The following JAM3 variants were observed in gnomAD, a reference collection of about 807,000 sequenced individuals.
JAM3 encodes junctional adhesion molecule 3.
JAM3 carries 31 observed loss-of-function variants against 39.4 expected under a neutral mutation model. That is an observed-to-expected ratio of 0.79 (90% CI 0.59 to 1.06). The LOEUF is 1.06. Ranked by LOEUF, JAM3 falls within the 50% of genes least tolerant of loss-of-function variation. The pLI is 0.00. For missense variants in JAM3, 455 were observed against 391.4 expected, an observed-to-expected ratio of 1.16 and a Z score of -1.37; for synonymous variants, 182 against 148.7, an observed-to-expected ratio of 1.22 and a Z score of -1.63.
rs1352777971 is a variant in JAM3 at position 134,148,802 on chromosome 11, T to A, written c.881T>A (p.Ile294Asn). 1 of 1,614,100 alleles carries A rather than the reference T, an allele frequency of 6.2e-7. No homozygotes were observed. Among genetic ancestry groups the A allele is most frequent in the Admixed American group, 1.7e-5 (1 of 60,012 alleles). ...GGGAAACCAGATGGAGTTAACTACA[T>A]CCGCACTGACGAGGAGGTAATCATT... ...NPGKPDGVNY[I>N]RTDEEGDFRH... The change falls in exon 8 of 9, where the codon ATC becomes AAC. Residue 294 changes from isoleucine to asparagine, a missense_variant. Coordinates refer to ENST00000299106, the MANE Select transcript of JAM3 (RefSeq NM_032801.5).
intron 6 of JAM3, 130 bp from the exon 7 acceptor site, chr11:134,148,417 G>C (rs1340387571): frequency 3.8e-6 from 4 of 1,051,088 alleles, no homozygotes; most frequent in South Asian, 1.3e-5. Context: ...CTCTCTTCTA[G>C]CTGGGGTAGG....
chr11:134,085,836 T>C (rs1392215605), intron 1 of JAM3, among the ~76,000 whole-genome samples: 2 of 152,168 alleles, frequency 1.3e-5, no homozygotes, highest in African/African-American at 4.8e-5. Context: ...TGAGTTTCTA[T>C]TCTTTAGTTG....
chr11:134,078,894 C>T (rs1318171797), intron 1 of JAM3, among the ~76,000 whole-genome samples: 1 of 152,066 alleles, frequency 6.6e-6, no homozygotes, highest in African/African-American at 2.4e-5. Flanking sequence ...AAAAAATTAG[C>T]CTGGTATGGT....
In JAM3 at chr11:134,149,232, C is replaced by G. The variant is rs758039346; in HGVS notation, c.*51C>G. The G allele has an allele frequency of 3.7e-6, 6 of 1,608,492 alleles. No homozygotes were observed. The East Asian group carries it at 1.3e-4, about 36-fold the overall frequency. The stretch of plus-strand genomic sequence containing the variant: ...CAGAGCGCACGTGCACATACCTCTG[C>G]TAGAAACTCCTGTCAAGGCAGCGAG... On this transcript the variant is annotated 3_prime_UTR_variant, in exon 9 of 9. Coordinates refer to ENST00000299106, the MANE Select transcript of JAM3 (RefSeq NM_032801.5).
intron 1 of JAM3, among the ~76,000 whole-genome samples, chr11:134,078,530 C>T (rs554600877): frequency 3.5e-4 from 54 of 152,302 alleles, no homozygotes; most frequent in African/African-American, 1.1e-3. Context: ...AAGATTTCCC[C>T]GACTTCCTTG....
At chr11:134,091,614 A>G (rs1941855634) in intron 1 of JAM3, among the ~76,000 whole-genome samples, 1 of 118,200 alleles carries the variant, frequency 8.5e-6, no homozygotes, top group Non-Finnish European at 1.8e-5. Flanking sequence ...TGGGTGACAG[A>G]GTAAAACCCC....
chr11:134,125,161 C>A (rs899460743), intron 1 of JAM3, among the ~76,000 whole-genome samples: 1 of 152,222 alleles, frequency 6.6e-6, no homozygotes, highest in African/African-American at 2.4e-5. Context: ...CGGCTACAGC[C>A]CGGCCGATCG....
intron 1 of JAM3, among the ~76,000 whole-genome samples, chr11:134,082,597 G>T (rs1305632490): frequency 6.6e-6 from 1 of 152,122 alleles, no homozygotes; most frequent in Non-Finnish European, 1.5e-5. Context: ...CTCTTCTCTT[G>T]TCTGCCGCCG....
intron 1 of JAM3, among the ~76,000 whole-genome samples, chr11:134,125,282 G>A (rs1313395973): frequency 1.3e-5 from 2 of 152,232 alleles, no homozygotes; most frequent in Admixed American, 1.3e-4. Context: ...CTGTGTTGAA[G>A]ATGACGGTGC....
chr11:134,089,849 G>A (rs1434329209), intron 1 of JAM3, among the ~76,000 whole-genome samples: 1 of 152,268 alleles, frequency 6.6e-6, no homozygotes, highest in Admixed American at 6.5e-5. Flanking sequence ...GGGTCAAATG[G>A]TATTTCTAGT....
At chr11:134,123,189 A>C (rs575818926) in intron 1 of JAM3, among the ~76,000 whole-genome samples, 1 of 151,922 alleles carries the variant, frequency 6.6e-6, no homozygotes, top group South Asian at 2.1e-4. Flanking sequence ...TAATATATCT[A>C]TATGTCACTG....
At chr11:134,120,989 G>C (rs1942520786) in intron 1 of JAM3, among the ~76,000 whole-genome samples, 2 of 152,176 alleles carry the variant, frequency 1.3e-5, no homozygotes, top group African/African-American at 4.8e-5. Context: ...CTCAACAATA[G>C]AGCTGTGTTT....
rs556367557 is a variant in JAM3, at chr11:134,096,333, G to A, written c.76+27174G>A. ...GTGAGCTTTCAGTTTAGTATAAATA[G>A]GTAAGGGTTTGGATTCTCTGATCAT... On this transcript the variant is annotated intron_variant, in intron 1 of 8. Transcript: ENST00000299106. Among the ~76,000 whole-genome samples, 206 of 152,276 alleles carry A rather than the reference G, an allele frequency of 1.4e-3. 1 individual carries two copies. Among genetic ancestry groups the A allele is most frequent in the African/African-American group, 4.8e-3 (201 of 41,538 alleles).
chr11:134,131,681 T>A lies in JAM3; in HGVS notation c.77-8170T>A, dbSNP rs532265539. Among the ~76,000 whole-genome samples, 9 of 151,982 alleles carry A rather than the reference T, an allele frequency of 5.9e-5. No individual in the cohort carries two copies. In the East Asian group the frequency reaches 1.7e-3, roughly 30 times the overall value. ...TGCACAAACACCTAAGGGGAGAACA[T>A]GGACAAAGAACTAAAGGCAATCAGG... On this transcript the variant is annotated intron_variant, in intron 1 of 8. Coordinates refer to ENST00000299106, the MANE Select transcript of JAM3 (RefSeq NM_032801.5).
chr11:134,133,950 CTG>C (rs1343938732), intron 1 of JAM3, among the ~76,000 whole-genome samples: 1 of 152,092 alleles, frequency 6.6e-6, no homozygotes, highest in Non-Finnish European at 1.5e-5. Flanking sequence ...AATTATCAGA[CTG>C]GGCATTTAAA....
chr11:134,142,248 G>A (rs1942988428), intron 3 of JAM3, among the ~76,000 whole-genome samples: 1 of 152,176 alleles, frequency 6.6e-6, no homozygotes, highest in African/African-American at 2.4e-5. Context: ...GGGGTTCGGG[G>A]AGGATGCAGC....
chr11:134,116,813 A>T (rs570205045), intron 1 of JAM3, among the ~76,000 whole-genome samples: 2 of 152,228 alleles, frequency 1.3e-5, no homozygotes, highest in South Asian at 4.2e-4. Flanking sequence ...CTATTTCTCT[A>T]TTTGTATCTA....
At chr11:134,134,811 A>G (rs1356226429) in intron 1 of JAM3, among the ~76,000 whole-genome samples, 5 of 152,166 alleles carry the variant, frequency 3.3e-5, no homozygotes, top group Admixed American at 2.0e-4. Context: ...AGGCATGTCT[A>G]TTTGAACTCT....
intron 1 of JAM3, among the ~76,000 whole-genome samples, chr11:134,131,817 G>T (rs938116423): frequency 6.6e-6 from 1 of 152,034 alleles, no homozygotes; most frequent in East Asian, 1.9e-4. Context: ...TTTACTAGAG[G>T]GTTTCAACAG....
Sources: allele counts gnomAD v4.1 joint callset (sites outside exome capture counted in the v4.1 genomes callset), GRCh38; gene constraint gnomAD v4.1.1; transcripts MANE v1.5; gene names NCBI Gene and HGNC (gene_info 2026-07-23, HGNC 2026-07-21).